Variants in TFPI observed in about 807,000 individuals in gnomAD.
TFPI encodes tissue factor pathway inhibitor.
TFPI carries 15 observed loss-of-function variants against 34.6 expected under a neutral mutation model. The observed-to-expected ratio is 0.43, with a 90% confidence interval of 0.29 to 0.67. TFPI has a LOEUF of 0.67. Ranked by LOEUF, TFPI falls within the 30% of genes least tolerant of loss-of-function variation. The pLI is 0.15. For missense variants in TFPI, 301 were observed against 364.0 expected (o/e 0.83, Z 1.41); for synonymous variants, 105 against 120.1 (o/e 0.87, Z 0.82).
At position 187,465,807 on chromosome 2, in the gene TFPI, G is replaced by T. The variant is rs192074134; in HGVS notation, c.*1129C>A. On this transcript the variant is annotated 3_prime_UTR_variant, in exon 8 of 8. Transcript: ENST00000233156. ...TAAATCAGTTCCAATTCCAGTGTCAGATTTGAGGTGAACACTACAGAAACT... is the reference window on the plus strand; with the variant it reads ...TAAATCAGTTCCAATTCCAGTGTCATATTTGAGGTGAACACTACAGAAACT... The T allele has an allele frequency of 2.0e-5, 3 of 152,224 alleles. No homozygotes were observed. The East Asian group carries it at 5.8e-4, about 29-fold the overall frequency. The allele number at this position is 152,224 out of a possible 1,614,324, so 9.4% of individuals were successfully genotyped here. A position where few individuals can be genotyped will look rare whatever the true frequency, so the allele number is the denominator to read the frequency against.
chr2:187,536,440 C>A (rs1248650867), intron 1 of TFPI, among the ~76,000 whole-genome samples: 1 of 152,172 alleles, frequency 6.6e-6, no homozygotes, highest in Non-Finnish European at 1.5e-5. Flanking sequence ...ATATGCAAAT[C>A]AATAAACTTA....
At chr2:187,551,157 T>A (rs1386586179) in intron 1 of TFPI, among the ~76,000 whole-genome samples, 2 of 152,160 alleles carry the variant, frequency 1.3e-5, no homozygotes, top group Non-Finnish European at 1.5e-5. Flanking sequence ...ATATATAATA[T>A]TTTTTACTCA....
intron 3 of TFPI, among the ~76,000 whole-genome samples, chr2:187,494,496 G>A (rs775499253): frequency 6.6e-6 from 1 of 152,070 alleles, no homozygotes; most frequent in Non-Finnish European, 1.5e-5. Flanking sequence ...ATCCTGCACT[G>A]CCTTTTGTTC....
chr2:187,485,502 A>C lies in TFPI; in HGVS notation c.359-515T>G, dbSNP rs979143963. 4.6e-5 allele frequency among the ~76,000 whole-genome samples: 7 copies of C among 151,812 alleles called. No homozygotes were observed. In the South Asian group the frequency reaches 1.0e-3, roughly 22 times the overall value. The stretch of plus-strand genomic sequence containing the variant: ...CATGGCTAGCCTTAGAAGTTCCTGA[A>C]TTCTTATGCGGGAATTAATATCTGT... On this transcript the variant is annotated intron_variant, in intron 4 of 7. Coordinates refer to ENST00000233156, the MANE Select transcript of TFPI (RefSeq NM_006287.6).
chr2:187,477,345 TGCAG>T (rs1692445754), intron 6 of TFPI, among the ~76,000 whole-genome samples: 1 of 152,244 alleles, frequency 6.6e-6, no homozygotes, highest in Non-Finnish European at 1.5e-5. Flanking sequence ...AGATTTACTA[TGCAG>T]GCATCTTTAG....
intron 5 of TFPI, 39 bp downstream of exon 5, chr2:187,484,772 C>A (rs1056555233): frequency 1.9e-6 from 3 of 1,539,992 alleles, no homozygotes; most frequent in African/African-American, 2.9e-5. Flanking sequence ...TAAAAGGATG[C>A]CTATAAATGA....
chr2:187,511,660 T>A (rs1392494384), intron 1 of TFPI, among the ~76,000 whole-genome samples: 1 of 152,098 alleles, frequency 6.6e-6, no homozygotes, highest in Non-Finnish European at 1.5e-5. Context: ...CCTTGACGGG[T>A]CCGTTGTTTC....
At chr2:187,488,312 A>C (rs1207452084) in intron 4 of TFPI, 25 bp downstream of exon 4, 3 of 1,548,564 alleles carry the variant, frequency 1.9e-6, no homozygotes, top group Non-Finnish European at 2.6e-6. Flanking sequence ...AAATGCTTCA[A>C]ATTTACAGAC....
intron 1 of TFPI, among the ~76,000 whole-genome samples, chr2:187,504,778 G>T (rs773194313): frequency 5.3e-5 from 8 of 152,014 alleles, no homozygotes; most frequent in South Asian, 2.1e-4. Context: ...ATTCACAAAT[G>T]CAGGGACAGA....
intron 2 of TFPI, among the ~76,000 whole-genome samples, chr2:187,503,193 G>A (rs1287284678): frequency 6.6e-6 from 1 of 151,718 alleles, no homozygotes; most frequent in South Asian, 2.1e-4. Flanking sequence ...TTTTATATTA[G>A]TCTCAACTGG....
intron 1 of TFPI, among the ~76,000 whole-genome samples, chr2:187,522,788 G>A (rs1687468464): frequency 1.3e-5 from 2 of 150,948 alleles, no homozygotes; most frequent in South Asian, 4.2e-4. Flanking sequence ...CTACTCGGGA[G>A]GCTGAGGCAG....
At chr2:187,505,874 C>T (rs1165736208) in intron 1 of TFPI, among the ~76,000 whole-genome samples, 2 of 151,812 alleles carry the variant, frequency 1.3e-5, no homozygotes, top group African/African-American at 2.4e-5. Context: ...AGTGTAACTC[C>T]CAGAAGGAGG....
At chr2:187,476,438 C>T (rs555188501) in intron 6 of TFPI, among the ~76,000 whole-genome samples, 1 of 152,184 alleles carries the variant, frequency 6.6e-6, no homozygotes, top group South Asian at 2.1e-4. Flanking sequence ...CTCCCTGGCT[C>T]AAGCAATCCT....
intron 6 of TFPI, chr2:187,478,483 G>T (rs904844912): frequency 1.3e-6 from 1 of 744,738 alleles, no homozygotes. Flanking sequence ...AGTTAGGTCC[G>T]GTCAAAAGAC....
intron 6 of TFPI, among the ~76,000 whole-genome samples, chr2:187,470,425 A>G (rs1691965245): frequency 6.6e-6 from 1 of 152,164 alleles, no homozygotes; most frequent in Non-Finnish European, 1.5e-5. Flanking sequence ...AATGGGAAAA[A>G]GCTAGGCTAG....
intron 4 of TFPI, among the ~76,000 whole-genome samples, chr2:187,487,980 T>C (rs1272165211): frequency 6.6e-6 from 1 of 151,358 alleles, no homozygotes; most frequent in Non-Finnish European, 1.5e-5. Flanking sequence ...TAAAATAGCA[T>C]GTGTGGCTCT....
chr2:187,507,488 AC>A (rs747412600), intron 1 of TFPI, among the ~76,000 whole-genome samples: 4 of 152,184 alleles, frequency 2.6e-5, no homozygotes, highest in Non-Finnish European at 5.9e-5. Context: ...ACTCCCAACA[AC>A]AGTATAAAAG....
In TFPI at chr2:187,494,704, A is replaced by T. The variant is rs924846881; in HGVS notation, c.319+2177T>A. On this transcript the variant is annotated intron_variant, in intron 3 of 7. Transcript: ENST00000233156. ...GTAGTCTGCTGTATAAAACACTCAGACATTCATACAATAATTGCAAGTGAC... is the reference window on the plus strand; with the variant it reads ...GTAGTCTGCTGTATAAAACACTCAGTCATTCATACAATAATTGCAAGTGAC... 3.3e-5 allele frequency among the ~76,000 whole-genome samples: 5 copies of T among 152,058 alleles called. 1 individual carries two copies. The highest frequency in any genetic ancestry group is 4.4e-5 in the Non-Finnish European group (3 of 68,006).
At chr2:187,478,932 T>G (rs916839945) in intron 6 of TFPI, 2 of 681,992 alleles carry the variant, frequency 2.9e-6, no homozygotes, top group African/African-American at 3.6e-5. Flanking sequence ...AAAAAAATCT[T>G]GTAATCTAGA....
Sources: gnomAD v4.1 joint callset for allele counts (sites outside exome capture counted in the v4.1 genomes callset) on GRCh38, gnomAD v4.1.1 for gene constraint, MANE v1.5 for transcripts, NCBI Gene and HGNC (gene_info 2026-07-23, HGNC 2026-07-21) for gene names.